SMAD2: variants seen among roughly 807,000 people sequenced by gnomAD.
The protein encoded by SMAD2 is MAD homolog 2.
SMAD2 carries 8 observed loss-of-function variants against 64.4 expected under a neutral mutation model. That is an observed-to-expected ratio of 0.12 (90% CI 0.07 to 0.22). The LOEUF (loss-of-function observed/expected upper bound fraction) is 0.22. Ranked by LOEUF, SMAD2 falls within the 10% of genes least tolerant of loss-of-function variation. The pLI, the probability that SMAD2 is intolerant of heterozygous loss-of-function variation, is 1.00. For synonymous variants in SMAD2, 203 were observed against 195.8 expected, an observed-to-expected ratio of 1.04 and a Z score of -0.31; for missense variants, 289 against 561.2, an observed-to-expected ratio of 0.51 and a Z score of 4.90.
At position 47,823,608 on chromosome 18, in the gene SMAD2, C is replaced by T. The variant is rs992373333; in HGVS notation, c.*18219G>A. The T allele has an allele frequency of 3.3e-5, 5 of 152,174 alleles. No individual in the cohort carries two copies. Among genetic ancestry groups the T allele is most frequent in the Admixed American group, 3.3e-4 (5 of 15,286 alleles). The allele number at this position is 152,174 out of a possible 1,614,324, so 9.4% of individuals were successfully genotyped here. A position where few individuals can be genotyped will look rare whatever the true frequency, so the allele number is the denominator to read the frequency against. ...CTGATGTATGGGTCACACAAAAGTTCACCATACCAACCAATGCCATAGCTA... is the reference window on the plus strand; with the variant it reads ...CTGATGTATGGGTCACACAAAAGTTTACCATACCAACCAATGCCATAGCTA... On this transcript the variant is annotated 3_prime_UTR_variant, in exon 11 of 11. Coordinates refer to ENST00000262160, the MANE Select transcript of SMAD2 (RefSeq NM_005901.6).
At chr18:47,867,542 C>A (rs947541383) in intron 5 of SMAD2, among the ~76,000 whole-genome samples, 2 of 151,274 alleles carry the variant, frequency 1.3e-5, no homozygotes, top group Non-Finnish European at 2.9e-5. Context: ...AGAAAGAAAT[C>A]GAGACACTAC....
chr18:47,886,848 A>C (rs1158265061), intron 2 of SMAD2: 1 of 166,792 alleles, frequency 6.0e-6, no homozygotes, highest in Non-Finnish European at 1.3e-5. Context: ...ATGATAATAG[A>C]AGAAAACTGT....
rs910328457 is a variant in SMAD2, at chr18:47,831,177, T to G, written c.*10650A>C. On this transcript the variant is annotated 3_prime_UTR_variant, in exon 11 of 11. Coordinates refer to ENST00000262160, the MANE Select transcript of SMAD2 (RefSeq NM_005901.6). ...TAGGCCTTGTGATTATATGTGGGCT[T>G]CATAGCAGAACCTACCAGGCTTGTG... 6.6e-6 allele frequency: 1 copy of G among 152,238 alleles called. No homozygotes were observed. The highest frequency in any genetic ancestry group is 2.4e-5 in the African/African-American group (1 of 41,442). The allele number at this position is 152,238 out of a possible 1,614,324, so 9.4% of individuals were successfully genotyped here.
At chr18:47,872,082 T>C (rs2031968436) in intron 2 of SMAD2, among the ~76,000 whole-genome samples, 1 of 152,200 alleles carries the variant, frequency 6.6e-6, no homozygotes, top group South Asian at 2.1e-4. Flanking sequence ...CAGAGAAGAA[T>C]AAACAGTAAT....
At chr18:47,894,899 T>G (rs1454584640) in intron 2 of SMAD2, among the ~76,000 whole-genome samples, 1 of 152,184 alleles carries the variant, frequency 6.6e-6, no homozygotes, top group Non-Finnish European at 1.5e-5. Context: ...TCTCAGCCCA[T>G]TCACCAGGAA....
intron 1 of SMAD2, among the ~76,000 whole-genome samples, chr18:47,914,506 T>C (rs1007196452): frequency 1.3e-5 from 2 of 152,314 alleles, no homozygotes; most frequent in South Asian, 2.1e-4. Flanking sequence ...GATATTCTTA[T>C]GGATGCTTTA....
chr18:47,876,156 A>G (rs957041959), intron 2 of SMAD2, among the ~76,000 whole-genome samples: 3 of 152,080 alleles, frequency 2.0e-5, no homozygotes, highest in Non-Finnish European at 2.9e-5. Context: ...TTAAGTTATT[A>G]TAACAATGAT....
At chr18:47,910,865 A>G (rs1458627258) in intron 1 of SMAD2, among the ~76,000 whole-genome samples, 3 of 152,208 alleles carry the variant, frequency 2.0e-5, no homozygotes, top group African/African-American at 7.2e-5. Context: ...GAGAGTCAAA[A>G]GTTATACACA....
At chr18:47,899,101 G>A (rs2033570339) in intron 1 of SMAD2, among the ~76,000 whole-genome samples, 1 of 152,066 alleles carries the variant, frequency 6.6e-6, no homozygotes, top group African/African-American at 2.4e-5. Context: ...ACAAAAGGAA[G>A]AATAGCTATT....
rs1307315096 is a variant in SMAD2, at chr18:47,835,092, G to C, written c.*6735C>G. 4 of 218,994 alleles carry C rather than the reference G, an allele frequency of 1.8e-5. No individual in the cohort carries two copies. Among genetic ancestry groups the C allele is most frequent in the African/African-American group, 9.0e-5 (4 of 44,516 alleles). 13.6% of individuals were successfully genotyped at this position (218,994 alleles called of 1,614,324 possible). A position where few individuals can be genotyped will look rare whatever the true frequency, so the allele number is the denominator to read the frequency against. ...AACTGTTCTCATCTTAATCGCTGTA[G>C]TTTTTCTTTCTTTACTCTTTTGTAT... On this transcript the variant is annotated 3_prime_UTR_variant, in exon 11 of 11. Transcript: ENST00000262160.
intron 1 of SMAD2, among the ~76,000 whole-genome samples, chr18:47,926,046 T>C (rs2034749299): frequency 6.6e-6 from 1 of 152,178 alleles, no homozygotes; most frequent in African/African-American, 2.4e-5. Context: ...ACAAAAAAAT[T>C]ACTTACACCA....
chr18:47,906,612 T>A (rs1479542703), intron 1 of SMAD2, among the ~76,000 whole-genome samples: 1 of 152,200 alleles, frequency 6.6e-6, no homozygotes, highest in Non-Finnish European at 1.5e-5. Context: ...ACTGCTGCTG[T>A]AACAAATAAT....
chr18:47,890,472 C>A (rs758056197), intron 2 of SMAD2, among the ~76,000 whole-genome samples: 3 of 152,064 alleles, frequency 2.0e-5, no homozygotes, highest in African/African-American at 7.2e-5. Context: ...AAATAGAGAA[C>A]GAAGACCTAG....
At chr18:47,851,059 T>C (rs1315449033) in intron 7 of SMAD2, among the ~76,000 whole-genome samples, 1 of 150,364 alleles carries the variant, frequency 6.7e-6, no homozygotes, top group African/African-American at 2.4e-5. Context: ...ATTATACCTA[T>C]TTCTTATATG....
rs1383527018 is a variant in SMAD2, at chr18:47,831,955, A to AG, written c.*9871dup. 6.6e-6 allele frequency: 1 copy of AG among 152,120 alleles called. No homozygotes were observed. Among genetic ancestry groups the AG allele is most frequent in the African/African-American group, 2.4e-5 (1 of 41,428 alleles). 9.4% of individuals were successfully genotyped at this position (152,120 alleles called of 1,614,324 possible). On this transcript the variant is annotated 3_prime_UTR_variant, in exon 11 of 11. Transcript: ENST00000262160. ...AGAAGGGTGAATCTGTCAAAGGGTA[A>AG]GCTGGATAACTGTATGTTGCAAACA...
chr18:47,871,519 T>C (rs2031930707), intron 2 of SMAD2, among the ~76,000 whole-genome samples: 1 of 152,356 alleles, frequency 6.6e-6, no homozygotes, highest in Non-Finnish European at 1.5e-5. Flanking sequence ...CCTGGCATCC[T>C]TGGCTTTAGT....
intron 7 of SMAD2, among the ~76,000 whole-genome samples, chr18:47,850,760 TATTATATAC>T (rs2029898313): frequency 1.3e-4 from 2 of 15,776 alleles, no homozygotes; most frequent in Non-Finnish European, 1.2e-4. Flanking sequence ...ATTATATATA[TATTATATAC>T]ATTATGTATA....
rs146660251 is a variant in SMAD2, at chr18:47,839,313, C to G, written c.*2514G>C. 8.4e-4 allele frequency: 196 copies of G among 233,388 alleles called. No individual in the cohort carries two copies. The highest frequency in any genetic ancestry group is 1.2e-3 in the Non-Finnish European group (137 of 118,062). The allele number at this position is 233,388 out of a possible 1,614,324, so 14.5% of individuals were successfully genotyped here. A position where few individuals can be genotyped will look rare whatever the true frequency, so the allele number is the denominator to read the frequency against. ...CAAGATCAGGACCTTCTACCACTTT[C>G]AGAGTTGTTTTCTGCCCCTACAACT... On this transcript the variant is annotated 3_prime_UTR_variant, in exon 11 of 11. Transcript: ENST00000262160.
chr18:47,819,795 CA>C lies in SMAD2; in HGVS notation c.*22031del, dbSNP rs764594290. The C allele has an allele frequency of 0.32, 30,933 of 95,718 alleles. 2,690 individuals carry two copies. The highest frequency in any genetic ancestry group is 0.48 in the Middle Eastern group (62 of 128). The allele number at this position is 95,718 out of a possible 1,614,324, so 5.9% of individuals were successfully genotyped here. ...TGGGTGACAGAGCGAGACTCCGTCT[CA>C]AAAAAAAAAAAAAAAAAAAGAATTG... On this transcript the variant is annotated 3_prime_UTR_variant, in exon 11 of 11. Transcript: ENST00000262160.
Sources: gnomAD v4.1 joint callset for allele counts (sites outside exome capture counted in the v4.1 genomes callset) on GRCh38, gnomAD v4.1.1 for gene constraint, MANE v1.5 for transcripts, NCBI Gene and HGNC (gene_info 2026-07-23, HGNC 2026-07-21) for gene names.